The following DLGAP4 variants were observed in gnomAD, a reference collection of about 807,000 sequenced individuals.
The protein encoded by DLGAP4 is disks large-associated protein 4.
A neutral mutation model predicts 86.9 loss-of-function variants in DLGAP4; 18 were observed. That is an observed-to-expected ratio of 0.21 (90% CI 0.14 to 0.31). The LOEUF (loss-of-function observed/expected upper bound fraction) is 0.31, where lower values mean the gene tolerates loss of function less well. Among genes scored for constraint, DLGAP4 ranks in the 10% least tolerant of loss-of-function variants. DLGAP4 has a pLI of 1.00. For missense variants in DLGAP4, 1,085 were observed against 1,362.6 expected (o/e 0.80, Z 3.21); for synonymous variants, 548 against 574.3 (o/e 0.95, Z 0.65).
At chr20:36,461,893 CTCCCCATCTCGGG>C (rs1240205032) in intron 7 of DLGAP4, 2 of 985,100 alleles carry the variant, frequency 2.0e-6, no homozygotes, top group Non-Finnish European at 2.4e-6. Context: ...CCCTCCCTCG[CTCCCCATCTCGGG>C]TCCCCTTCTC....
At chr20:36,325,239 T>C (rs1157611789) in intron 1 of DLGAP4, among the ~76,000 whole-genome samples, 1 of 152,216 alleles carries the variant, frequency 6.6e-6, no homozygotes, top group Non-Finnish European at 1.5e-5. Flanking sequence ...AAATGTGTTA[T>C]CTAATTTCCA....
rs528697649 is a variant in DLGAP4, at chr20:36,396,093, G to C, written c.-73+28818G>C. Among the ~76,000 whole-genome samples, 5 of 151,978 alleles carry C rather than the reference G, an allele frequency of 3.3e-5. No individual in the cohort carries two copies. In the East Asian group the frequency reaches 9.7e-4, roughly 30 times the overall value. Reference sequence around the variant, plus strand: ...CCATTGAAACAACATCATGGCAGTGGGGACTCTCGTCCACTGAGGAGGGAA... The same window carrying C: ...CCATTGAAACAACATCATGGCAGTGCGGACTCTCGTCCACTGAGGAGGGAA... On this transcript the variant is annotated intron_variant, in intron 2 of 12. Transcript: ENST00000339266.
intron 7 of DLGAP4, chr20:36,461,748 TCCGC>T (rs556566313): frequency 0.032 from 27,064 of 846,596 alleles, 165 homozygotes; most frequent in African/African-American, 0.063. Flanking sequence ...CGTCCGTCCG[TCCGC>T]CCGCCCGCCC....
At chr20:36,524,712 G>A (rs2037598807) in intron 11 of DLGAP4, among the ~76,000 whole-genome samples, 1 of 152,072 alleles carries the variant, frequency 6.6e-6, no homozygotes, top group East Asian at 1.9e-4. Flanking sequence ...AGACCAGCCT[G>A]ACCAACATGG....
intron 7 of DLGAP4, chr20:36,462,662 C>T (rs557605128): frequency 2.6e-6 from 4 of 1,546,238 alleles, no homozygotes; most frequent in East Asian, 2.6e-5. Context: ...GGCCGAGGCT[C>T]CATGGGGTTG....
intron 1 of DLGAP4, among the ~76,000 whole-genome samples, chr20:36,322,913 G>A (rs2065182686): frequency 6.6e-6 from 1 of 152,046 alleles, no homozygotes; most frequent in Non-Finnish European, 1.5e-5. Context: ...AGTGGCTCAC[G>A]CCTGTAATCC....
At chr20:36,439,206 G>A (rs2033375600) in intron 4 of DLGAP4, among the ~76,000 whole-genome samples, 1 of 152,202 alleles carries the variant, frequency 6.6e-6, no homozygotes, top group African/African-American at 2.4e-5. Context: ...CAGGCAGGTA[G>A]CATCATCCCC....
At chr20:36,416,342 G>A (rs2032652995) in intron 2 of DLGAP4, among the ~76,000 whole-genome samples, 1 of 152,192 alleles carries the variant, frequency 6.6e-6, no homozygotes, top group South Asian at 2.1e-4. Context: ...GGCTGGTCTC[G>A]AACTCCTGAC....
At chr20:36,412,477 C>G (rs2032526492) in intron 2 of DLGAP4, among the ~76,000 whole-genome samples, 1 of 152,230 alleles carries the variant, frequency 6.6e-6, no homozygotes. Flanking sequence ...AGAAGCAGCA[C>G]AGGAAGCTCA....
chr20:36,345,087 C>G (rs207477543), intron 1 of DLGAP4, among the ~76,000 whole-genome samples: 1 of 152,204 alleles, frequency 6.6e-6, no homozygotes, highest in Non-Finnish European at 1.5e-5. Flanking sequence ...TGTTTTCCCT[C>G]CAGCCCATTA....
At chr20:36,326,682 A>G (rs533544565) in intron 1 of DLGAP4, among the ~76,000 whole-genome samples, 1 of 152,260 alleles carries the variant, frequency 6.6e-6, no homozygotes, top group East Asian at 1.9e-4. Flanking sequence ...TCCTTTTTAT[A>G]GATTCATATT....
intron 10 of DLGAP4, among the ~76,000 whole-genome samples, chr20:36,507,013 GT>G (rs1364225250): frequency 6.6e-6 from 1 of 152,186 alleles, no homozygotes; most frequent in African/African-American, 2.4e-5. Context: ...TTAAGGCTGA[GT>G]AATATTCTAT....
chr20:36,345,633 G>A (rs1330751223), intron 1 of DLGAP4, among the ~76,000 whole-genome samples: 1 of 152,208 alleles, frequency 6.6e-6, no homozygotes, highest in African/African-American at 2.4e-5. Flanking sequence ...AATGTCAGCT[G>A]TTACTATAGT....
intron 2 of DLGAP4, among the ~76,000 whole-genome samples, chr20:36,373,491 G>A (rs2031021934): frequency 6.6e-6 from 1 of 152,290 alleles, no homozygotes; most frequent in Middle Eastern, 3.4e-3. Flanking sequence ...TGTTGCTAAG[G>A]AGAATTTGGT....
intron 2 of DLGAP4, among the ~76,000 whole-genome samples, chr20:36,385,883 G>A (rs1048949888): frequency 6.6e-6 from 1 of 152,180 alleles, no homozygotes; most frequent in Non-Finnish European, 1.5e-5. Context: ...TAAGAGATCT[G>A]CCTCCCCACT....
At chr20:36,487,302 T>C (rs1486942595) in intron 7 of DLGAP4, among the ~76,000 whole-genome samples, 1 of 152,218 alleles carries the variant, frequency 6.6e-6, no homozygotes, top group Non-Finnish European at 1.5e-5. Context: ...GCACTGGGAC[T>C]CTTGAGATAG....
intron 2 of DLGAP4, among the ~76,000 whole-genome samples, chr20:36,399,126 G>C (rs1422969614): frequency 6.6e-6 from 1 of 152,164 alleles, no homozygotes; most frequent in Non-Finnish European, 1.5e-5. Context: ...CCAGGAGGCG[G>C]AGTTGCAGTG....
At chr20:36,340,668 G>A (rs1311534443) in intron 1 of DLGAP4, among the ~76,000 whole-genome samples, 1 of 152,204 alleles carries the variant, frequency 6.6e-6, no homozygotes, top group Non-Finnish European at 1.5e-5. Flanking sequence ...TGAGTTCCTG[G>A]GCGGCAGGGC....
intron 7 of DLGAP4, 112 bp downstream of exon 7, chr20:36,447,049 C>T (rs2033611208): frequency 7.5e-6 from 11 of 1,462,814 alleles, no homozygotes; most frequent in Non-Finnish European, 9.0e-6. Context: ...TCAGGCTGGC[C>T]CGCACCAGGG....
Sources: allele counts gnomAD v4.1 joint callset (sites outside exome capture counted in the v4.1 genomes callset), GRCh38; gene constraint gnomAD v4.1.1; transcripts MANE v1.5; gene names NCBI Gene and HGNC (gene_info 2026-07-23, HGNC 2026-07-21).